TRAF2: variants seen among roughly 807,000 people sequenced by gnomAD.
TRAF2 encodes TNF receptor-associated factor 2.
A neutral mutation model predicts 55.6 loss-of-function variants in TRAF2; 6 were observed. The ratio of observed to expected loss-of-function variants is 0.11; its 90% CI spans 0.06 to 0.21. TRAF2 has a LOEUF of 0.21. Ranked by LOEUF, TRAF2 falls within the 10% of genes least tolerant of loss-of-function variation. TRAF2 has a pLI of 1.00. For missense variants in TRAF2, 561 were observed against 684.5 expected (o/e 0.82, Z 2.01); for synonymous variants, 329 against 276.3 (o/e 1.19, Z -1.89).
chr9:136,889,528 C>A (rs888420473), intron 1 of TRAF2: 3 of 152,048 alleles, frequency 2.0e-5, no homozygotes, highest in Non-Finnish European at 4.4e-5. Context: ...AGGTGATCCA[C>A]CTGCCTTGGC....
chr9:136,889,110 C>T (rs1849519995), intron 1 of TRAF2, among the ~76,000 whole-genome samples: 1 of 152,200 alleles, frequency 6.6e-6, no homozygotes, highest in Admixed American at 6.5e-5. Flanking sequence ...ATCCGCCCAC[C>T]TCGGCCTCCC....
chr9:136,898,571 G>C, intron 1 of TRAF2, 142 bp from the exon 2 acceptor site: 1 of 1,449,456 alleles, frequency 6.9e-7, no homozygotes, highest in Non-Finnish European at 9.1e-7. Flanking sequence ...GAAGCTCTGC[G>C]ATTCTGCTTC....
chr9:136,905,237 A>G (rs1231743192), intron 4 of TRAF2, among the ~76,000 whole-genome samples: 4 of 152,056 alleles, frequency 2.6e-5, no homozygotes, highest in Non-Finnish European at 5.9e-5. Flanking sequence ...CCTCTCAGGA[A>G]CCTTCCTCTC....
chr9:136,920,404 G>A lies in TRAF2; in HGVS notation c.849G>A (p.Glu283=), dbSNP rs1260369038. ...ESLEKKTATF[E]NIVCVLNREV... is the part of the protein sequence containing the mutation. ...TGGAGAAGAAGACGGCCACTTTTGA[G>A]AACATTGTCTGCGTCCTGAACCGGG... The change falls in exon 8 of 11, where the codon GAG becomes GAA. Residue 283 remains glutamate, a synonymous_variant. Coordinates refer to ENST00000247668, the MANE Select transcript of TRAF2 (RefSeq NM_021138.4). 3.7e-6 allele frequency: 6 copies of A among 1,614,060 alleles called. No homozygotes were observed. The highest frequency in any genetic ancestry group is 5.1e-6 in the Non-Finnish European group (6 of 1,180,040).
Position 136,925,972 on chromosome 9 carries a change from G to C in TRAF2, c.*71G>C. The C allele has an allele frequency of 5.1e-6, 8 of 1,560,662 alleles. No homozygotes were observed. Among genetic ancestry groups the C allele is most frequent in the Non-Finnish European group, 7.0e-6 (8 of 1,138,228 alleles). On this transcript the variant is annotated 3_prime_UTR_variant, in exon 11 of 11. Coordinates refer to ENST00000247668, the MANE Select transcript of TRAF2 (RefSeq NM_021138.4). ...CGGCTCACGGAGGGGCCACCACGCT[G>C]GGCCAGGGTCTCACTGTACAAGTGG...
At chr9:136,888,627 C>G (rs1249695373) in intron 1 of TRAF2, among the ~76,000 whole-genome samples, 1 of 152,196 alleles carries the variant, frequency 6.6e-6, no homozygotes, top group African/African-American at 2.4e-5. Context: ...CTGCAGCGGC[C>G]AGGTTGCACC....
chr9:136,889,896 C>T (rs1033216457), intron 1 of TRAF2, among the ~76,000 whole-genome samples: 5 of 152,140 alleles, frequency 3.3e-5, no homozygotes, highest in African/African-American at 1.2e-4. Context: ...TCGGTCACCG[C>T]ATGTGTGATA....
At position 136,900,541 on chromosome 9, in the gene TRAF2, C is replaced by T. The variant is rs1274714833; in HGVS notation, c.366+21C>T. On this transcript the variant is annotated intron_variant, in intron 4 of 10. Transcript: ENST00000247668. ...ACGAGGTAAAGATGCCTGCGTGTGG[C>T]ATGGTGACAGAAGCTCCAGCAGTCG... is the stretch of plus-strand genomic sequence containing the variant. 5 of 1,601,536 alleles carry T rather than the reference C, an allele frequency of 3.1e-6. No individual in the cohort carries two copies. In the African/African-American group the frequency reaches 5.4e-5, roughly 17 times the overall value.
At chr9:136,909,838 C>G in intron 5 of TRAF2, 82 bp from the exon 6 acceptor site, 2 of 1,455,538 alleles carry the variant, frequency 1.4e-6, no homozygotes, top group Middle Eastern at 1.7e-4. Context: ...TCGGCGCTGC[C>G]CAGCCTGAGC....
intron 4 of TRAF2, among the ~76,000 whole-genome samples, chr9:136,905,670 G>C (rs1849930863): frequency 6.6e-6 from 1 of 152,164 alleles, no homozygotes; most frequent in African/African-American, 2.4e-5. Flanking sequence ...CCCTTTCTCT[G>C]TTCCCAGTCA....
Position 136,921,057 on chromosome 9 carries a change from G to C in TRAF2, c.980G>C (p.Ser327Thr). The C allele has an allele frequency of 1.2e-6, 2 of 1,613,978 alleles. No individual in the cohort carries two copies. The highest frequency in any genetic ancestry group is 1.7e-6 in the Non-Finnish European group (2 of 1,180,006). The change falls in exon 9 of 11, where the codon AGC becomes ACC. Residue 327 changes from serine to threonine, a missense_variant. By Grantham distance (58) the Ser-to-Thr change is moderately conservative (BLOSUM62 1). Around this residue, in one of 2 missense-constraint regions of TRAF2, gnomAD observed 426 missense variants for 476.8 expected, o/e 0.89. Transcript: ENST00000247668. ...LSSKVQQLER[S>T]IGLKDLAMAD... ...CGGCAGGTGCAGCAGCTGGAGAGGA[G>C]CATTGGCCTCAAGGACCTGGCGATG...
At chr9:136,892,040 G>A (rs2131277804) in intron 1 of TRAF2, among the ~76,000 whole-genome samples, 1 of 152,026 alleles carries the variant, frequency 6.6e-6, no homozygotes, top group Admixed American at 6.6e-5. Context: ...GTCTACCCTA[G>A]CAAAACGATC....
chr9:136,893,336 C>G (rs959753117), intron 1 of TRAF2, among the ~76,000 whole-genome samples: 2 of 152,226 alleles, frequency 1.3e-5, no homozygotes, highest in Non-Finnish European at 2.9e-5. Context: ...TAAGGTCTCA[C>G]TAAATTACAG....
intron 7 of TRAF2, among the ~76,000 whole-genome samples, chr9:136,918,265 A>AT (rs1564419572): frequency 4.3e-4 from 5 of 11,624 alleles, no homozygotes; most frequent in African/African-American, 8.2e-4. Flanking sequence ...ATATTTATTT[A>AT]ATTAATTAAT....
chr9:136,898,554 G>T, intron 1 of TRAF2, 159 bp from the exon 2 acceptor site: 1 of 983,992 alleles, frequency 1.0e-6, no homozygotes, highest in Non-Finnish European at 1.2e-6. Context: ...GGTCTCCAAG[G>T]CTCCCTGAAG....
At chr9:136,919,492 T>G (rs200754180) in intron 7 of TRAF2, among the ~76,000 whole-genome samples, 1 of 151,274 alleles carries the variant, frequency 6.6e-6, no homozygotes, top group Non-Finnish European at 1.5e-5. Context: ...ACAGGGTTTC[T>G]CCATGTTGGT....
chr9:136,899,549 A>G lies in TRAF2; in HGVS notation c.189-45A>G, dbSNP rs754171646. On this transcript the variant is annotated intron_variant, in intron 2 of 10. Coordinates refer to ENST00000247668, the MANE Select transcript of TRAF2 (RefSeq NM_021138.4). ...GAAGCAAATGGTGTTTGTTTTTTGC[A>G]TTAGGTTTCACAGTGGGTTGTTTTT... The G allele has an allele frequency of 1.8e-5, 29 of 1,570,012 alleles. No homozygotes were observed. In the African/African-American group the frequency reaches 3.6e-4, roughly 19 times the overall value.
chr9:136,882,753 G>C (rs945215776), upstream of TRAF2: 2 of 985,686 alleles, frequency 2.0e-6, no homozygotes, highest in Middle Eastern at 1.0e-3. Flanking sequence ...CGAGTCCCCA[G>C]GCCAAGGTGT....
chr9:136,918,178 A>T (rs1287186248), intron 7 of TRAF2, among the ~76,000 whole-genome samples: 1 of 149,442 alleles, frequency 6.7e-6, no homozygotes, highest in Non-Finnish European at 1.5e-5. Context: ...CTGGGTACAC[A>T]TGTAGGTCCA....
Sources: allele counts gnomAD v4.1 joint callset (sites outside exome capture counted in the v4.1 genomes callset), GRCh38; gene constraint gnomAD v4.1.1; regional missense constraint gnomAD v4.1.1; transcripts MANE v1.5; gene names NCBI Gene and HGNC (gene_info 2026-07-23, HGNC 2026-07-21).